SLC25A48: variants seen among roughly 807,000 people sequenced by gnomAD.
SLC25A48 encodes the protein solute carrier family 25 member 48, also known as CTC-321K16.1.
SLC25A48 carries 29 observed loss-of-function variants against 32.2 expected under a neutral mutation model. That is an observed-to-expected ratio of 0.90 (90% CI 0.67 to 1.23). The LOEUF (loss-of-function observed/expected upper bound fraction) is 1.23, where lower values mean the gene tolerates loss of function less well. SLC25A48 is among the 50% of genes most tolerant of loss of function. The pLI is 0.00. For synonymous variants in SLC25A48, 164 were observed against 172.3 expected (o/e 0.95, Z 0.38); for missense variants, 399 against 422.7 (o/e 0.94, Z 0.49).
At chr5:135,800,693 G>T (rs1273216314) in intron 3 of SLC25A48, among the ~76,000 whole-genome samples, 3 of 151,862 alleles carry the variant, frequency 2.0e-5, no homozygotes, top group African/African-American at 7.3e-5. Flanking sequence ...ACACCCCCCT[G>T]GGATAGGGTT....
At chr5:135,725,384 G>C (rs1755065809) in intron 3 of SLC25A48, among the ~76,000 whole-genome samples, 1 of 152,162 alleles carries the variant, frequency 6.6e-6, no homozygotes, top group South Asian at 2.1e-4. Flanking sequence ...GCCCTTCTGA[G>C]GAAGTGCAGA....
chr5:135,796,037 A>C (rs938113784), intron 3 of SLC25A48, among the ~76,000 whole-genome samples: 2 of 148,078 alleles, frequency 1.4e-5, no homozygotes, highest in African/African-American at 5.0e-5. Context: ...CTGCCCACTT[A>C]TGATATTGTT....
At chr5:135,716,782 T>C (rs999719279) in intron 3 of SLC25A48, among the ~76,000 whole-genome samples, 1 of 152,224 alleles carries the variant, frequency 6.6e-6, no homozygotes, top group African/African-American at 2.4e-5. Context: ...TGGAAAGCTC[T>C]GGACTAGGAA....
At chr5:135,605,125 T>C (rs1331914928) in intron 1 of SLC25A48, among the ~76,000 whole-genome samples, 5 of 152,396 alleles carry the variant, frequency 3.3e-5, no homozygotes, top group African/African-American at 1.2e-4. Context: ...TATGCACTTA[T>C]ATAATTTGTA....
rs140580131 is a variant in SLC25A48 at position 135,606,357 on chromosome 5, A to G, written c.-848-22880A>G. 4.7e-3 allele frequency among the ~76,000 whole-genome samples: 709 copies of G among 152,354 alleles called. 6 individuals carry two copies. Among genetic ancestry groups the G allele is most frequent in the African/African-American group, 0.016 (678 of 41,586 alleles). On this transcript the variant is annotated intron_variant, in intron 1 of 10. Transcript: ENST00000646290. ...CTAGGATCTGATTTTTCAACATTTTATTTTAAATAGTTGAGAAGCATTGAT... is the reference window on the plus strand; with the variant it reads ...CTAGGATCTGATTTTTCAACATTTTGTTTTAAATAGTTGAGAAGCATTGAT...
chr5:135,669,128 T>C (rs1168396808), intron 3 of SLC25A48, among the ~76,000 whole-genome samples: 2 of 152,342 alleles, frequency 1.3e-5, no homozygotes, highest in Non-Finnish European at 2.9e-5. Context: ...TGTCATGTTT[T>C]ATCTTTTAAG....
intron 3 of SLC25A48, among the ~76,000 whole-genome samples, chr5:135,763,498 A>C (rs892037766): frequency 3.3e-5 from 5 of 152,096 alleles, no homozygotes; most frequent in Non-Finnish European, 7.4e-5. Context: ...ACCCAGCCCC[A>C]GATCCCACAA....
intron 3 of SLC25A48, among the ~76,000 whole-genome samples, chr5:135,788,323 A>G (rs72667124): frequency 0.26 from 37,775 of 146,076 alleles, 5,120 homozygotes; most frequent in East Asian, 0.42. Flanking sequence ...CCGGGGGGAG[A>G]GAGGTGATAT....
At position 135,678,841 on chromosome 5, in the gene SLC25A48, G is replaced by A. The variant is rs78091274; in HGVS notation, c.-521+43885G>A. ...TGATTTCCTCAGTAGCTTAGGGTGT[G>A]GTTGTTAGTGGAGGCTGTGGTAAAA... On this transcript the variant is annotated intron_variant, in intron 3 of 10. Transcript: ENST00000646290. Among the ~76,000 whole-genome samples, 26 of 152,290 alleles carry A rather than the reference G, an allele frequency of 1.7e-4. No individual in the cohort carries two copies. In the East Asian group the frequency reaches 4.4e-3, roughly 26 times the overall value.
At chr5:135,685,539 TCTCATACCTCGGC>T (rs1361733368) in intron 3 of SLC25A48, among the ~76,000 whole-genome samples, 1 of 151,592 alleles carries the variant, frequency 6.6e-6, no homozygotes, top group Admixed American at 6.6e-5. Context: ...TTCAAGCAAT[TCTCATACCTCGGC>T]CTCCTGAGTA....
intron 3 of SLC25A48, among the ~76,000 whole-genome samples, chr5:135,701,151 G>A (rs12188364): frequency 0.19 from 29,574 of 151,976 alleles, 3,081 homozygotes; most frequent in Middle Eastern, 0.33. Context: ...AGTGTGGGCC[G>A]TCAGTCCTCC....
At chr5:135,831,955 AG>A (rs1482634541), upstream of SLC25A48, among the ~76,000 whole-genome samples, 1 of 152,110 alleles carries the variant, frequency 6.6e-6, no homozygotes, top group African/African-American at 2.4e-5. Flanking sequence ...GGTGTCATTG[AG>A]GGGATGGACA....
chr5:135,615,425 C>T (rs1241429428), intron 1 of SLC25A48, among the ~76,000 whole-genome samples: 2 of 152,138 alleles, frequency 1.3e-5, no homozygotes, highest in Admixed American at 6.5e-5. Context: ...GCATTGTGCT[C>T]CTTCTCTAAG....
chr5:135,623,138 A>C (rs1309772250), intron 1 of SLC25A48, among the ~76,000 whole-genome samples: 1 of 152,254 alleles, frequency 6.6e-6, no homozygotes, highest in Non-Finnish European at 1.5e-5. Flanking sequence ...GGGATGGTGC[A>C]TGGACATCCC....
chr5:135,582,202 A>T (rs1403938023), intron 1 of SLC25A48, among the ~76,000 whole-genome samples: 2 of 152,078 alleles, frequency 1.3e-5, no homozygotes, highest in African/African-American at 2.4e-5. Context: ...GACCCCAGGG[A>T]TTTGCTTATT....
chr5:135,869,774 T>G (rs1418344930), intron 4 of SLC25A48, among the ~76,000 whole-genome samples: 1 of 152,138 alleles, frequency 6.6e-6, no homozygotes, highest in East Asian at 1.9e-4. Flanking sequence ...TGTCTGATCT[T>G]GCTCAGAGGG....
chr5:135,836,272 T>G lies in SLC25A48; in HGVS notation c.46+1379T>G, dbSNP rs181351028. Among the ~76,000 whole-genome samples, 5 of 152,122 alleles carry G rather than the reference T, an allele frequency of 3.3e-5. 1 individual carries two copies. Among genetic ancestry groups the G allele is most frequent in the Admixed American group, 3.3e-4 (5 of 15,294 alleles). On this transcript the variant is annotated intron_variant, in intron 1 of 7. Transcript: ENST00000681962. ...ACTCACAGCAAGTAGGGGATTTTTG[T>G]GCTTTATTCTGGTCCTTACTTTGGT...
At chr5:135,728,841 TAC>T (rs33918902) in intron 3 of SLC25A48, among the ~76,000 whole-genome samples, 8,987 of 141,460 alleles carry the variant, frequency 0.064, 284 homozygotes, top group African/African-American at 0.11. Context: ...CATACACAAA[TAC>T]ACACACACAC....
Position 135,644,188 on chromosome 5 carries a change from G to GA in SLC25A48, c.-521+9242dup, listed in dbSNP as rs148332317. Among the ~76,000 whole-genome samples, 27 of 148,752 alleles carry GA rather than the reference G, an allele frequency of 1.8e-4. No homozygotes were observed. The East Asian group carries it at 2.7e-3, about 15-fold the overall frequency. On this transcript the variant is annotated intron_variant, in intron 3 of 10. Transcript: ENST00000646290. ...AATTTCAGCAAGTTGCGGATGGGGA[G>GA]AAAAAAAAAACCCAGTAGGAGGGCC... is the stretch of plus-strand genomic sequence containing the variant.
Sources: gnomAD v4.1 joint callset for allele counts (sites outside exome capture counted in the v4.1 genomes callset) on GRCh38, gnomAD v4.1.1 for gene constraint, MANE v1.5 for transcripts, NCBI Gene and HGNC (gene_info 2026-07-23, HGNC 2026-07-21) for gene names.